SLC35A1: variants seen among roughly 807,000 people sequenced by gnomAD.
The protein encoded by SLC35A1 is solute carrier family 35 member A1, also known as CMP-sialic acid transporter.
A neutral mutation model predicts 40.3 loss-of-function variants in SLC35A1; 21 were observed. That is an observed-to-expected ratio of 0.52 (90% confidence interval 0.37 to 0.75). The LOEUF is 0.75. SLC35A1 is among the 30% of genes least tolerant of loss of function. The pLI, the probability that SLC35A1 is intolerant of heterozygous loss-of-function variation, is 0.00. For missense variants in SLC35A1, 297 were observed against 382.1 expected, an observed-to-expected ratio of 0.78 and a Z score of 1.86; for synonymous variants, 146 against 147.3, an observed-to-expected ratio of 0.99 and a Z score of 0.06.
intron 2 of SLC35A1, among the ~76,000 whole-genome samples, chr6:87,493,279 A>G (rs1323636241): frequency 6.6e-6 from 1 of 152,094 alleles, no homozygotes; most frequent in Non-Finnish European, 1.5e-5. Flanking sequence ...CCCTGCCCCA[A>G]CCCTGAAATC....
Position 87,508,544 on chromosome 6 carries a change from TAAAGAA to T in SLC35A1, c.704_709del (p.Glu235_Lys236del). 6.2e-7 allele frequency: 1 copy of T among 1,613,244 alleles called. No homozygotes were observed. The highest frequency in any genetic ancestry group is 8.5e-7 in the Non-Finnish European group (1 of 1,179,578). On this transcript the variant is annotated inframe_deletion, in exon 6 of 8. Transcript: ENST00000369552. ...TCTACTTGTCAGATGGAGCTGAAAT[TAAAGAA>T]AAAGGATTTTTCTATGGTTACACAT...
intron 2 of SLC35A1, among the ~76,000 whole-genome samples, chr6:87,494,050 T>A (rs567169403): frequency 1.3e-5 from 2 of 149,800 alleles, no homozygotes; most frequent in African/African-American, 4.9e-5. Context: ...GCCTTGTGTG[T>A]GATGTACACT....
At chr6:87,492,130 T>G (rs1358875846) in intron 2 of SLC35A1, among the ~76,000 whole-genome samples, 1 of 152,204 alleles carries the variant, frequency 6.6e-6, no homozygotes, top group East Asian at 1.9e-4. Context: ...ACAAGGACAT[T>G]CTCTTATATA....
chr6:87,478,848 C>T lies in SLC35A1; in HGVS notation c.194+1309C>T, dbSNP rs567078477. Among the ~76,000 whole-genome samples the T allele has an allele frequency of 2.6e-5, 4 of 152,310 alleles. No individual in the cohort carries two copies. In the South Asian group the frequency reaches 6.2e-4, roughly 24 times the overall value. On this transcript the variant is annotated intron_variant, in intron 2 of 7. Transcript: ENST00000369552. ...CCTTCTATAGAAGGGTGTGCCCTCACAGATGGAGCAATGGTGAGCGCACAC... is the reference window on the plus strand; with the variant it reads ...CCTTCTATAGAAGGGTGTGCCCTCATAGATGGAGCAATGGTGAGCGCACAC...
intron 2 of SLC35A1, among the ~76,000 whole-genome samples, chr6:87,497,221 A>G (rs2127972727): frequency 6.6e-6 from 1 of 152,038 alleles, no homozygotes; most frequent in Admixed American, 6.5e-5. Flanking sequence ...TTATTTCAAA[A>G]TATCTTATGT....
chr6:87,511,645 C>T lies in SLC35A1; in HGVS notation c.*119C>T, dbSNP rs1179998569. On this transcript the variant is annotated 3_prime_UTR_variant, in exon 8 of 8. Transcript: ENST00000369552. The stretch of plus-strand genomic sequence containing the variant: ...AATTAACTGTATGGCATGATCAGTG[C>T]GGTTATGTGGAAACAACAACAAACA... 1.4e-5 allele frequency: 15 copies of T among 1,108,328 alleles called. No homozygotes were observed. Among genetic ancestry groups the T allele is most frequent in the South Asian group, 6.3e-5 (5 of 79,790 alleles). 68.7% of individuals were successfully genotyped at this position (1,108,328 alleles called of 1,614,324 possible).
At chr6:87,508,258 CAT>C (rs1770148832) in intron 5 of SLC35A1, among the ~76,000 whole-genome samples, 160 bp from the exon 6 acceptor site, 1 of 152,096 alleles carries the variant, frequency 6.6e-6, no homozygotes, top group African/African-American at 2.4e-5. Context: ...TACAGTATGT[CAT>C]GTGTCACACA....
intron 7 of SLC35A1, among the ~76,000 whole-genome samples, chr6:87,510,828 G>A (rs1203905311): frequency 1.3e-5 from 2 of 151,206 alleles, no homozygotes; most frequent in South Asian, 2.1e-4. Flanking sequence ...CCGAGATTGC[G>A]CCATTGCACT....
Position 87,477,385 on chromosome 6 carries a change from T to C in SLC35A1, c.40T>C (p.Leu14=), listed in dbSNP as rs747609693. The C allele has an allele frequency of 6.2e-7, 1 of 1,613,672 alleles. No individual in the cohort carries two copies. The highest frequency in any genetic ancestry group is 8.5e-7 in the Non-Finnish European group (1 of 1,179,920). The change falls in exon 2 of 8, where the codon TTA becomes CTA. Residue 14 remains leucine, a synonymous_variant. Transcript: ENST00000369552. The part of the protein sequence containing the change: ...PRDNVTLLFK[L]YCLAVMTLMA... ...AGACAATGTCACTTTATTATTCAAG[T>C]TATACTGCTTGGCAGTGATGACCCT...
chr6:87,504,558 ACTTGAAG>A (rs1770022467), intron 4 of SLC35A1, among the ~76,000 whole-genome samples: 2 of 152,152 alleles, frequency 1.3e-5, no homozygotes, highest in African/African-American at 2.4e-5. Context: ...TGGAATTCTA[ACTTGAAG>A]TTTTACATTT....
intron 5 of SLC35A1, 141 bp downstream of exon 5, chr6:87,506,589 A>T: frequency 1.3e-6 from 1 of 748,580 alleles, no homozygotes; most frequent in Non-Finnish European, 2.3e-6. Flanking sequence ...GTTTTATGTC[A>T]GCTGTTTTTC....
chr6:87,473,038 G>C lies in SLC35A1; in HGVS notation c.16+19G>C, dbSNP rs144960751. The C allele has an allele frequency of 3.5e-6, 2 of 572,824 alleles. No individual in the cohort carries two copies. The highest frequency in any genetic ancestry group is 5.6e-6 in the Non-Finnish European group (2 of 360,004). The allele number at this position is 572,824 out of a possible 1,614,324, so 35.5% of individuals were successfully genotyped here. A position where few individuals can be genotyped will look rare whatever the true frequency, so the allele number is the denominator to read the frequency against. ...CCGAGAGGTGAGAACTGGGTCTGCT[G>C]GGAGTGGGGAGTCCGCGGGGGGCGG... On this transcript the variant is annotated intron_variant, in intron 1 of 7. Transcript: ENST00000369552.
At chr6:87,487,767 G>C (rs1769427774) in intron 2 of SLC35A1, among the ~76,000 whole-genome samples, 1 of 152,188 alleles carries the variant, frequency 6.6e-6, no homozygotes, top group South Asian at 2.1e-4. Context: ...TGATCTGAAA[G>C]CGGAAACAAG....
chr6:87,488,471 T>G (rs1769450156), intron 2 of SLC35A1: 1 of 152,168 alleles, frequency 6.6e-6, no homozygotes, highest in Non-Finnish European at 1.5e-5. Context: ...CACATAATAC[T>G]AAAAATTTGG....
chr6:87,500,983 G>A (rs746613466), intron 3 of SLC35A1, among the ~76,000 whole-genome samples, 175 bp from the exon 4 acceptor site: 32 of 152,014 alleles, frequency 2.1e-4, no homozygotes, highest in Non-Finnish European at 4.3e-4. Context: ...TCCAGACCTC[G>A]TGATCCACCA....
intron 2 of SLC35A1, among the ~76,000 whole-genome samples, chr6:87,494,007 A>G (rs142789427): frequency 6.8e-4 from 104 of 152,316 alleles, no homozygotes; most frequent in African/African-American, 2.4e-3. Flanking sequence ...GACGTGGTCA[A>G]AGTAGTAAAT....
chr6:87,509,890 AATT>A (rs1358164410), intron 7 of SLC35A1, among the ~76,000 whole-genome samples: 2 of 152,150 alleles, frequency 1.3e-5, no homozygotes, highest in African/African-American at 4.8e-5. Context: ...TTTACTGATC[AATT>A]ATTATAATAT....
At chr6:87,473,824 AC>A (rs1382866487) in intron 1 of SLC35A1, among the ~76,000 whole-genome samples, 6 of 152,230 alleles carry the variant, frequency 3.9e-5, no homozygotes. Context: ...GTTGGGCAAC[AC>A]CCGGATTCTT....
At chr6:87,479,329 C>T (rs1769180479) in intron 2 of SLC35A1, among the ~76,000 whole-genome samples, 1 of 152,120 alleles carries the variant, frequency 6.6e-6, no homozygotes, top group South Asian at 2.1e-4. Flanking sequence ...TAGTAAGTGC[C>T]ATTTCTATGA....
Sources: allele counts gnomAD v4.1 joint callset (sites outside exome capture counted in the v4.1 genomes callset), GRCh38; gene constraint gnomAD v4.1.1; transcripts MANE v1.5; gene names NCBI Gene and HGNC (gene_info 2026-07-23, HGNC 2026-07-21).